Variants in SEL1L2 observed in about 807,000 individuals in gnomAD.
The protein encoded by SEL1L2 is protein sel-1 homolog 2.
In SEL1L2, 89 loss-of-function variants were observed where a neutral mutation model predicts 98.8. That is an observed-to-expected ratio of 0.90 (90% CI 0.76 to 1.07). SEL1L2 has a LOEUF of 1.07. Ranked by LOEUF, SEL1L2 falls within the 50% of genes least tolerant of loss-of-function variation. SEL1L2 has a pLI of 0.00. For missense variants in SEL1L2, 788 were observed against 812.0 expected (o/e 0.97, Z 0.36); for synonymous variants, 262 against 278.5 (o/e 0.94, Z 0.59).
At chr20:13,960,696 T>C (rs971787495) in intron 1 of SEL1L2, among the ~76,000 whole-genome samples, 1 of 152,008 alleles carries the variant, frequency 6.6e-6, no homozygotes, top group African/African-American at 2.4e-5. Flanking sequence ...TGGTGATTGC[T>C]AGAGATCTGC....
intron 17 of SEL1L2, among the ~76,000 whole-genome samples, chr20:13,860,642 T>A (rs1281953160): frequency 6.6e-6 from 1 of 152,030 alleles, no homozygotes; most frequent in African/African-American, 2.4e-5. Context: ...CTCCTTTTTT[T>A]CTCTTTCTTC....
rs776526513 is a variant in SEL1L2, at chr20:13,990,553, T to C, written c.-19A>G. On this transcript the variant is annotated 5_prime_UTR_variant, in exon 1 of 20. Coordinates refer to ENST00000284951, the MANE Select transcript of SEL1L2 (RefSeq NM_025229.2). ...GCTTCATCTTCTCTTAAGCAGCTTCTCTTCACTGTAACACAGGCAGAAACT... is the reference window on the plus strand; with the variant it reads ...GCTTCATCTTCTCTTAAGCAGCTTCCCTTCACTGTAACACAGGCAGAAACT... 6.2e-7 allele frequency: 1 copy of C among 1,600,074 alleles called. No homozygotes were observed. Among genetic ancestry groups the C allele is most frequent in the Non-Finnish European group, 8.6e-7 (1 of 1,168,436 alleles).
At chr20:13,971,458 C>T (rs1451006368) in intron 1 of SEL1L2, among the ~76,000 whole-genome samples, 2 of 152,162 alleles carry the variant, frequency 1.3e-5, no homozygotes, top group Admixed American at 1.3e-4. Context: ...TGGGGTCTCA[C>T]TCTGTCATCC....
intron 3 of SEL1L2, among the ~76,000 whole-genome samples, chr20:13,929,803 T>C (rs1310731452): frequency 6.6e-6 from 1 of 150,440 alleles, no homozygotes; most frequent in Admixed American, 6.6e-5. Flanking sequence ...CCGGCCTTTT[T>C]TTTTTGAGAC....
At chr20:13,916,489 A>T (rs1265935336) in intron 4 of SEL1L2, among the ~76,000 whole-genome samples, 1 of 152,136 alleles carries the variant, frequency 6.6e-6, no homozygotes, top group Non-Finnish European at 1.5e-5. Flanking sequence ...ATTAGAGTTC[A>T]GTTCTCCATT....
chr20:13,915,358 C>A (rs182183725), intron 4 of SEL1L2: 1 of 745,196 alleles, frequency 1.3e-6, no homozygotes, highest in Non-Finnish European at 1.9e-6. Context: ...ATTCTGGAGG[C>A]GGGAAGGCAA....
intron 1 of SEL1L2, among the ~76,000 whole-genome samples, chr20:13,959,599 C>T (rs2050692723): frequency 6.6e-6 from 1 of 152,176 alleles, no homozygotes; most frequent in South Asian, 2.1e-4. Context: ...GCCATATTCA[C>T]CTGACCTGTC....
At chr20:13,962,926 G>A (rs1451218392) in intron 1 of SEL1L2, among the ~76,000 whole-genome samples, 1 of 151,924 alleles carries the variant, frequency 6.6e-6, no homozygotes. Context: ...AATTAGCTGG[G>A]CATGGTGGCA....
chr20:13,882,276 A>G (rs1397614284), intron 10 of SEL1L2, among the ~76,000 whole-genome samples: 1 of 152,106 alleles, frequency 6.6e-6, no homozygotes, highest in Non-Finnish European at 1.5e-5. Context: ...TGCCATTCCA[A>G]GTTGATTCTG....
intron 2 of SEL1L2, among the ~76,000 whole-genome samples, chr20:13,946,650 G>A (rs1406830403): frequency 2.6e-5 from 4 of 152,212 alleles, no homozygotes; most frequent in Admixed American, 6.5e-5. Context: ...AGTTGGCCAG[G>A]TGGGAGCCCC....
At chr20:13,964,967 C>T (rs2050972984) in intron 1 of SEL1L2, among the ~76,000 whole-genome samples, 1 of 152,108 alleles carries the variant, frequency 6.6e-6, no homozygotes, top group Non-Finnish European at 1.5e-5. Context: ...TTCCTTCTAA[C>T]CCCCTATTTG....
At chr20:13,881,203 G>A (rs548474821) in intron 10 of SEL1L2, among the ~76,000 whole-genome samples, 5 of 152,012 alleles carry the variant, frequency 3.3e-5, no homozygotes, top group East Asian at 1.9e-4. Context: ...TAGTAGAGAC[G>A]GGGTTTCACC....
chr20:13,994,038 C>T (rs955448775), upstream of SEL1L2, among the ~76,000 whole-genome samples: 23 of 152,020 alleles, frequency 1.5e-4, no homozygotes, highest in African/African-American at 4.6e-4. Context: ...AGGCTGGGCA[C>T]GGTGGCTCAC....
chr20:13,903,350 A>G (rs940930858), intron 5 of SEL1L2, among the ~76,000 whole-genome samples: 10 of 152,050 alleles, frequency 6.6e-5, no homozygotes, highest in African/African-American at 2.4e-4. Context: ...TCCTTCTCTC[A>G]GTAGAGTCAT....
At chr20:13,881,644 G>C (rs1046807418) in intron 10 of SEL1L2, among the ~76,000 whole-genome samples, 1 of 152,152 alleles carries the variant, frequency 6.6e-6, no homozygotes, top group East Asian at 1.9e-4. Context: ...GTCAGGGAGA[G>C]GGTAAAAACG....
chr20:13,937,382 G>A (rs1414071605), intron 2 of SEL1L2, among the ~76,000 whole-genome samples: 12 of 152,236 alleles, frequency 7.9e-5, no homozygotes, highest in African/African-American at 2.9e-4. Context: ...GGGGAAGTGG[G>A]TGGAGCCAGG....
At chr20:13,934,609 T>G (rs908548908) in intron 2 of SEL1L2, among the ~76,000 whole-genome samples, 16 of 149,040 alleles carry the variant, frequency 1.1e-4, no homozygotes, top group African/African-American at 3.7e-4. Context: ...TAATGACTTC[T>G]TTTCCTCTGA....
At chr20:13,861,269 A>G (rs925083902) in intron 17 of SEL1L2, among the ~76,000 whole-genome samples, 6 of 151,794 alleles carry the variant, frequency 4.0e-5, no homozygotes, top group Admixed American at 6.6e-5. Flanking sequence ...TCAGCCTCCC[A>G]AGCTCAAGCG....
intron 5 of SEL1L2, among the ~76,000 whole-genome samples, chr20:13,911,958 A>G (rs2048222594): frequency 6.6e-6 from 1 of 152,158 alleles, no homozygotes; most frequent in African/African-American, 2.4e-5. Flanking sequence ...TATGAAACTA[A>G]GTGTCTTCCC....
Sources: gnomAD v4.1 joint callset for allele counts (sites outside exome capture counted in the v4.1 genomes callset) on GRCh38, gnomAD v4.1.1 for gene constraint, MANE v1.5 for transcripts, NCBI Gene and HGNC (gene_info 2026-07-23, HGNC 2026-07-21) for gene names.